Variants in ATG7 observed in about 807,000 individuals in gnomAD.
ATG7 encodes autophagy related 7, also known as ubiquitin-like modifier-activating enzyme ATG7.
A neutral mutation model predicts 82.4 loss-of-function variants in ATG7; 70 were observed. That is an observed-to-expected ratio of 0.85 (90% CI 0.70 to 1.04). The LOEUF (loss-of-function observed/expected upper bound fraction) is 1.04, where lower values mean the gene tolerates loss of function less well. ATG7 is among the 50% of genes least tolerant of loss of function. The pLI is 0.00. For missense variants in ATG7, 792 were observed against 864.3 expected (o/e 0.92, Z 1.05); for synonymous variants, 287 against 313.0 (o/e 0.92, Z 0.88).
chr3:11,367,874 T>C (rs1213953825), intron 18 of ATG7, among the ~76,000 whole-genome samples: 4 of 151,688 alleles, frequency 2.6e-5, no homozygotes, highest in Non-Finnish European at 4.4e-5. Context: ...AAAAAAATCA[T>C]TTTGTTGATG....
intron 18 of ATG7, among the ~76,000 whole-genome samples, chr3:11,365,399 T>C (rs1267731545): frequency 5.9e-5 from 9 of 152,122 alleles, no homozygotes; most frequent in Non-Finnish European, 1.2e-4. Flanking sequence ...CCTTAGGGAG[T>C]AAAAAGAAAA....
rs966085664 is a variant in ATG7 at position 11,556,210 on chromosome 3, A to G, written c.*1367A>G. The G allele has an allele frequency of 6.6e-6, 1 of 152,644 alleles. No homozygotes were observed. The highest frequency in any genetic ancestry group is 2.4e-5 in the African/African-American group (1 of 41,418). 9.5% of individuals were successfully genotyped at this position (152,644 alleles called of 1,614,324 possible). On this transcript the variant is annotated 3_prime_UTR_variant, in exon 21 of 21. Coordinates refer to ENST00000693202, the MANE Select transcript of ATG7 (RefSeq NM_001349232.2). ...TTACAGATTTACACACATGAAGAGA[A>G]GGTCAGAGCGCACTGCAGGCAGCGC... is the stretch of plus-strand genomic sequence containing the variant.
the ATG7 span, among the ~76,000 whole-genome samples, chr3:11,572,093 G>A: frequency 6.6e-6 from 1 of 152,158 alleles, no homozygotes; most frequent in Non-Finnish European, 1.5e-5. Flanking sequence ...GAGTGACAGA[G>A]TGAGACCCTG....
At chr3:11,503,567 A>G (rs1334567799) in intron 20 of ATG7, among the ~76,000 whole-genome samples, 1 of 151,582 alleles carries the variant, frequency 6.6e-6, no homozygotes, top group Non-Finnish European at 1.5e-5. Flanking sequence ...GACCAGCCTG[A>G]CCAACATGAT....
intron 13 of ATG7, among the ~76,000 whole-genome samples, chr3:11,346,199 A>G (rs1303242793): frequency 6.6e-6 from 1 of 152,152 alleles, no homozygotes; most frequent in African/African-American, 2.4e-5. Flanking sequence ...ACTGTAGAAT[A>G]TGCCTTCTGA....
chr3:11,318,040 C>T (rs1047631083), intron 9 of ATG7, among the ~76,000 whole-genome samples: 5 of 152,226 alleles, frequency 3.3e-5, no homozygotes, highest in African/African-American at 1.2e-4. Context: ...AAATGCTGAG[C>T]ACATGGTAGA....
At chr3:11,462,841 T>TTTTTTTTATTTA (rs2086456649) in intron 20 of ATG7, among the ~76,000 whole-genome samples, 1 of 135,416 alleles carries the variant, frequency 7.4e-6, no homozygotes, top group Non-Finnish European at 1.6e-5. Context: ...TCTCAGATAT[T>TTTTTTTTATTTA]TTTATTTATT....
chr3:11,558,871 C>T (rs1454034131), downstream of ATG7: 4 of 1,598,308 alleles, frequency 2.5e-6, no homozygotes, highest in African/African-American at 1.3e-5. Context: ...CAGGTGGCTG[C>T]AGACAGACAG....
chr3:11,519,622 C>A (rs187501243), intron 20 of ATG7, among the ~76,000 whole-genome samples: 1 of 121,006 alleles, frequency 8.3e-6, no homozygotes, highest in Admixed American at 1.2e-4. Context: ...TGCAGTGGGG[C>A]GATCTTGGCT....
chr3:11,497,393 T>TATATATC (rs1553698223), intron 20 of ATG7, among the ~76,000 whole-genome samples: 1 of 47,410 alleles, frequency 2.1e-5, no homozygotes, highest in African/African-American at 8.1e-5. Context: ...ATATATATAT[T>TATATATC]TAGCCAGGCA....
chr3:11,545,676 C>A (rs1446132736), intron 20 of ATG7, among the ~76,000 whole-genome samples: 1 of 148,018 alleles, frequency 6.8e-6, no homozygotes, highest in Non-Finnish European at 1.5e-5. Flanking sequence ...TCCCGAGCAG[C>A]CCTGCCAGGC....
At chr3:11,497,933 G>C (rs1470551930) in intron 20 of ATG7, among the ~76,000 whole-genome samples, 1 of 152,122 alleles carries the variant, frequency 6.6e-6, no homozygotes, top group East Asian at 1.9e-4. Flanking sequence ...ACTTATCATT[G>C]CATGGAAAAG....
At chr3:11,332,075 T>C (rs1328717445) in intron 10 of ATG7, among the ~76,000 whole-genome samples, 2 of 152,166 alleles carry the variant, frequency 1.3e-5, no homozygotes, top group Non-Finnish European at 2.9e-5. Context: ...AAAACACATA[T>C]ACAAGAATGT....
chr3:11,313,586 G>A (rs1180336309), intron 8 of ATG7, among the ~76,000 whole-genome samples, 166 bp downstream of exon 8: 1 of 152,166 alleles, frequency 6.6e-6, no homozygotes, highest in African/African-American at 2.4e-5. Context: ...TGTTTGTAAA[G>A]TCATTTTTTT....
chr3:11,351,862 T>TA (rs995140070), intron 14 of ATG7, among the ~76,000 whole-genome samples: 28 of 151,914 alleles, frequency 1.8e-4, no homozygotes, highest in Admixed American at 6.6e-4. Context: ...TTTTTTTTTT[T>TA]TTATTATACT....
chr3:11,550,930 T>A (rs971156170), intron 20 of ATG7, among the ~76,000 whole-genome samples: 1 of 152,042 alleles, frequency 6.6e-6, no homozygotes. Context: ...TATGGTTTCA[T>A]TTTCTCTAAC....
chr3:11,569,524 C>T, the ATG7 span, among the ~76,000 whole-genome samples: 42 of 152,352 alleles, frequency 2.8e-4, no homozygotes, highest in East Asian at 7.3e-3. Context: ...TATGCAGAGA[C>T]ATCCCCCAAG....
intron 11 of ATG7, among the ~76,000 whole-genome samples, chr3:11,339,170 C>T (rs192287574): frequency 8.8e-4 from 134 of 151,760 alleles, no homozygotes; most frequent in African/African-American, 3.0e-3. Flanking sequence ...CTGGCGGGCG[C>T]GTGTACTCCC....
At chr3:11,446,708 C>T in intron 20 of ATG7, 1 of 244,096 alleles carries the variant, frequency 4.1e-6, no homozygotes, top group Non-Finnish European at 8.2e-6. Context: ...ACCCCACTGC[C>T]AGGGACTCAA....
Sources: allele counts gnomAD v4.1 joint callset (sites outside exome capture counted in the v4.1 genomes callset), GRCh38; gene constraint gnomAD v4.1.1; transcripts MANE v1.5; gene names NCBI Gene and HGNC (gene_info 2026-07-23, HGNC 2026-07-21).